Variants in SLC9A9 observed in about 807,000 individuals in gnomAD.
The protein encoded by SLC9A9 is solute carrier family 9 member A9.
A neutral mutation model predicts 77.8 loss-of-function variants in SLC9A9; 62 were observed. The ratio of observed to expected loss-of-function variants is 0.80; its 90% CI spans 0.65 to 0.98. The LOEUF (loss-of-function observed/expected upper bound fraction) is 0.98, where lower values mean the gene tolerates loss of function less well. SLC9A9 is among the 50% of genes least tolerant of loss of function. The probability of loss-of-function intolerance (pLI) is 0.00; values close to 1 mark genes in which losing one functional copy is unlikely to be tolerated. For missense variants in SLC9A9, 775 were observed against 774.9 expected (o/e 1.00, Z 0.00); for synonymous variants, 320 against 283.5 (o/e 1.13, Z -1.29).
chr3:143,353,862 C>A (rs903659607), intron 14 of SLC9A9, among the ~76,000 whole-genome samples: 1 of 151,872 alleles, frequency 6.6e-6, no homozygotes, highest in African/African-American at 2.4e-5. Flanking sequence ...AATATGAAAA[C>A]CAAACCCAAG....
intron 15 of SLC9A9, among the ~76,000 whole-genome samples, chr3:143,267,411 C>A (rs886982711): frequency 7.3e-6 from 1 of 136,094 alleles, no homozygotes; most frequent in African/African-American, 3.0e-5. Flanking sequence ...TGCAGTGTTG[C>A]GATCTCAGCT....
intron 2 of SLC9A9, among the ~76,000 whole-genome samples, chr3:143,830,797 A>G (rs1989180): frequency 0.78 from 118,924 of 152,168 alleles, 52,277 homozygotes; most frequent in South Asian, 0.96. Flanking sequence ...TATAAACAAA[A>G]AGAAACACAT....
At chr3:143,670,792 G>C (rs759590892) in intron 5 of SLC9A9, among the ~76,000 whole-genome samples, 4 of 152,216 alleles carry the variant, frequency 2.6e-5, no homozygotes, top group African/African-American at 4.8e-5. Context: ...CATGCTGAGA[G>C]CAGAACCTGT....
At chr3:143,543,300 G>A (rs530930813) in intron 9 of SLC9A9, among the ~76,000 whole-genome samples, 1 of 151,606 alleles carries the variant, frequency 6.6e-6, no homozygotes, top group Non-Finnish European at 1.5e-5. Context: ...CTATACCAGC[G>A]GCCCACCCCT....
intron 6 of SLC9A9, among the ~76,000 whole-genome samples, chr3:143,618,289 A>G (rs2038141470): frequency 6.6e-6 from 1 of 152,206 alleles, no homozygotes. Flanking sequence ...TATTAAATAC[A>G]TTGGGAGCTT....
chr3:143,674,301 T>C (rs2039204066), intron 5 of SLC9A9, among the ~76,000 whole-genome samples: 1 of 152,192 alleles, frequency 6.6e-6, no homozygotes, highest in African/African-American at 2.4e-5. Flanking sequence ...ACTTTTGATA[T>C]CCAGGACGCT....
At chr3:143,555,897 G>A (rs890765338) in intron 8 of SLC9A9, among the ~76,000 whole-genome samples, 1 of 152,106 alleles carries the variant, frequency 6.6e-6, no homozygotes, top group Non-Finnish European at 1.5e-5. Flanking sequence ...CCAGAGGCTT[G>A]GTGTTGTAAT....
chr3:143,730,114 A>G (rs1002042297), intron 4 of SLC9A9, among the ~76,000 whole-genome samples: 15 of 152,234 alleles, frequency 9.9e-5, no homozygotes, highest in African/African-American at 3.6e-4. Flanking sequence ...GTCAAGGCCA[A>G]GTGAGGTAGA....
intron 2 of SLC9A9, among the ~76,000 whole-genome samples, chr3:143,806,423 A>T (rs2008714614): frequency 6.6e-6 from 1 of 151,848 alleles, no homozygotes; most frequent in African/African-American, 2.4e-5. Context: ...TTAAATTGGG[A>T]TCGTATCAAG....
At chr3:143,710,382 C>T (rs1934108852) in intron 4 of SLC9A9, among the ~76,000 whole-genome samples, 1 of 152,150 alleles carries the variant, frequency 6.6e-6, no homozygotes, top group Admixed American at 6.5e-5. Context: ...CTCATCCTTC[C>T]TGGAAGGTGA....
At chr3:143,380,911 G>C (rs766242461) in intron 13 of SLC9A9, among the ~76,000 whole-genome samples, 1 of 152,180 alleles carries the variant, frequency 6.6e-6, no homozygotes, top group Admixed American at 6.5e-5. Context: ...TGAAATAAAA[G>C]AGAGGGATTC....
At chr3:143,812,229 T>G (rs1044326102) in intron 2 of SLC9A9, among the ~76,000 whole-genome samples, 3 of 152,266 alleles carry the variant, frequency 2.0e-5, no homozygotes. Context: ...TGATACCATT[T>G]GATTCAGCAA....
At chr3:143,408,187 T>C (rs1057167198) in intron 12 of SLC9A9, among the ~76,000 whole-genome samples, 4 of 152,194 alleles carry the variant, frequency 2.6e-5, no homozygotes, top group Non-Finnish European at 5.9e-5. Context: ...TATAGTTACA[T>C]TGGGCATTAG....
chr3:143,767,002 T>C (rs552990032), intron 4 of SLC9A9, among the ~76,000 whole-genome samples: 2 of 152,308 alleles, frequency 1.3e-5, no homozygotes, highest in South Asian at 4.1e-4. Flanking sequence ...CTGTAAGCAA[T>C]GGGAAAGCAG....
intron 2 of SLC9A9, among the ~76,000 whole-genome samples, chr3:143,827,974 G>A (rs75194083): frequency 2.0e-5 from 3 of 152,240 alleles, no homozygotes; most frequent in Admixed American, 6.5e-5. Context: ...ACTGTGAAAC[G>A]CTCTAGGTCT....
intron 4 of SLC9A9, among the ~76,000 whole-genome samples, chr3:143,707,099 T>C (rs1423861856): frequency 6.6e-6 from 1 of 152,106 alleles, no homozygotes; most frequent in Non-Finnish European, 1.5e-5. Context: ...CATTTGACCA[T>C]CCCAAAATTT....
At chr3:143,630,781 T>C (rs1231484350) in intron 6 of SLC9A9, among the ~76,000 whole-genome samples, 1 of 152,172 alleles carries the variant, frequency 6.6e-6, no homozygotes, top group African/African-American at 2.4e-5. Context: ...GTATATTTCT[T>C]TGGAAATGCT....
chr3:143,512,660 G>A (rs1319011482), intron 9 of SLC9A9, among the ~76,000 whole-genome samples: 2 of 152,180 alleles, frequency 1.3e-5, no homozygotes, highest in Non-Finnish European at 2.9e-5. Flanking sequence ...GGTGGATCAC[G>A]AGGTCAGGAG....
intron 6 of SLC9A9, among the ~76,000 whole-genome samples, chr3:143,651,645 T>C (rs2038797331): frequency 6.6e-6 from 1 of 152,190 alleles, no homozygotes; most frequent in Admixed American, 6.5e-5. Flanking sequence ...TAAATATAAA[T>C]GGTAAGTGTC....
Sources: gnomAD v4.1 joint callset for allele counts (sites outside exome capture counted in the v4.1 genomes callset) on GRCh38, gnomAD v4.1.1 for gene constraint, MANE v1.5 for transcripts, NCBI Gene and HGNC (gene_info 2026-07-23, HGNC 2026-07-21) for gene names.